PCSK2: variants seen among roughly 807,000 people sequenced by gnomAD.
The protein encoded by PCSK2 is proprotein convertase subtilisin/kexin type 2, also known as neuroendocrine convertase 2.
A neutral mutation model predicts 69.7 loss-of-function variants in PCSK2; 14 were observed. The ratio of observed to expected loss-of-function variants is 0.20; its 90% CI spans 0.13 to 0.31. The LOEUF (loss-of-function observed/expected upper bound fraction) is 0.31, where lower values mean the gene tolerates loss of function less well. Among genes scored for constraint, PCSK2 ranks in the 10% least tolerant of loss-of-function variants. The pLI is 1.00. For synonymous variants in PCSK2, 307 were observed against 320.7 expected, an observed-to-expected ratio of 0.96 and a Z score of 0.46; for missense variants, 544 against 842.5, an observed-to-expected ratio of 0.65 and a Z score of 4.39.
chr20:17,463,681 CAT>C (rs373573833), intron 10 of PCSK2: 154 of 137,880 alleles, frequency 1.1e-3, no homozygotes, highest in African/African-American at 3.9e-3. Context: ...CACACACACA[CAT>C]GACAGGCCCC....
chr20:17,394,485 G>C (rs890020563), intron 5 of PCSK2, among the ~76,000 whole-genome samples: 1 of 152,132 alleles, frequency 6.6e-6, no homozygotes, highest in Non-Finnish European at 1.5e-5. Flanking sequence ...GGAAAAGTGA[G>C]GGACATCTAT....
In PCSK2 at chr20:17,288,067, C is replaced by T. The variant is rs1308863296; in HGVS notation, c.282+27723C>T. 2.0e-5 allele frequency among the ~76,000 whole-genome samples: 3 copies of T among 152,328 alleles called. No individual in the cohort carries two copies. The East Asian group carries it at 5.8e-4, about 29-fold the overall frequency. On this transcript the variant is annotated intron_variant, in intron 2 of 11. Transcript: ENST00000262545. ...GGCTGGCTCTGCAGGCTGGATCACA[C>T]AGCTGTACATGCCCTTCCCCACTTC...
chr20:17,333,997 GC>G (rs1347056692), intron 2 of PCSK2, among the ~76,000 whole-genome samples: 4 of 141,832 alleles, frequency 2.8e-5, no homozygotes, highest in African/African-American at 1.0e-4. Context: ...AATTCATCTG[GC>G]CCATTCTCTC....
chr20:17,260,748 C>T (rs1382371314), intron 2 of PCSK2, among the ~76,000 whole-genome samples: 2 of 152,120 alleles, frequency 1.3e-5, no homozygotes, highest in African/African-American at 4.8e-5. Flanking sequence ...CCATGCCCCA[C>T]GTTGTGAACG....
In PCSK2 at chr20:17,348,031, G is replaced by GAAGA. The variant is rs377281753; in HGVS notation, c.283-10280_283-10277dup. ...AAGAAAGAGAGAAAAGAGAAAGAAA[G>GAAGA]AAGAAAGAAAGAAAGAAAGGAAAGA... On this transcript the variant is annotated intron_variant, in intron 2 of 11. Transcript: ENST00000262545. Among the ~76,000 whole-genome samples the GAAGA allele has an allele frequency of 6.5e-3, 464 of 71,906 alleles. 16 individuals carry two copies. The highest frequency in any genetic ancestry group is 0.045 in the Middle Eastern group (6 of 132). 47.2% of individuals were successfully genotyped at this position (71,906 alleles called of 152,430 possible).
intron 7 of PCSK2, among the ~76,000 whole-genome samples, chr20:17,434,345 C>A (rs1189593755): frequency 2.7e-5 from 4 of 146,766 alleles, no homozygotes. Context: ...CCCTAAAAAC[C>A]CTTGGGTCAC....
chr20:17,250,469 TAA>T (rs1986932739), intron 1 of PCSK2, among the ~76,000 whole-genome samples: 2 of 152,310 alleles, frequency 1.3e-5, no homozygotes, highest in African/African-American at 4.8e-5. Flanking sequence ...ATCGCTTGGG[TAA>T]AGTGGTCTCT....
At position 17,409,343 on chromosome 20, in the gene PCSK2, A is replaced by G; in HGVS notation, c.620+4A>G. 1 of 1,607,046 alleles carries G rather than the reference A, an allele frequency of 6.2e-7. No homozygotes were observed. The highest frequency in any genetic ancestry group is 8.5e-7 in the Non-Finnish European group (1 of 1,173,626). On this transcript the variant is annotated splice_donor_region_variant and intron_variant, in intron 6 of 11. Transcript: ENST00000262545. ...ACACAGATGACTGGTTTAACAGGTA[A>G]ACTGGGCCTTGGGAGGTCTCTTTGA... is the stretch of plus-strand genomic sequence containing the variant.
intron 2 of PCSK2, among the ~76,000 whole-genome samples, chr20:17,313,699 C>T (rs75996930): frequency 0.078 from 11,849 of 152,134 alleles, 648 homozygotes; most frequent in South Asian, 0.28. Context: ...GGGTGATTCA[C>T]CCAACAATAG....
At chr20:17,329,840 C>G (rs1198158655) in intron 2 of PCSK2, among the ~76,000 whole-genome samples, 1 of 152,124 alleles carries the variant, frequency 6.6e-6, no homozygotes, top group Non-Finnish European at 1.5e-5. Flanking sequence ...GAAGGAAAAA[C>G]AGAAATCTCC....
chr20:17,260,256 G>A lies in PCSK2; in HGVS notation c.194G>A (p.Gly65Asp), dbSNP rs774308106. The A allele has an allele frequency of 6.2e-7, 1 of 1,612,044 alleles. No homozygotes were observed. The highest frequency in any genetic ancestry group is 8.5e-7 in the Non-Finnish European group (1 of 1,178,200). Residue 65 changes from glycine (G) to aspartate (D), a missense_variant, in exon 2 of 12, where the codon GGT becomes GAT. Coordinates refer to ENST00000262545, the MANE Select transcript of PCSK2 (RefSeq NM_002594.5). ...FGVRKLPFAE[G>D]LYHFYHNGLA... ...TCTCCACAGCTTCCCTTTGCTGAAG[G>A]TCTGTACCACTTTTATCACAATGGC...
At chr20:17,339,391 A>T (rs1480339594) in intron 2 of PCSK2, among the ~76,000 whole-genome samples, 5 of 152,206 alleles carry the variant, frequency 3.3e-5, no homozygotes, top group Admixed American at 2.0e-4. Flanking sequence ...GCTGGAACAC[A>T]AACATTGAGC....
chr20:17,303,511 T>A (rs1989206254), intron 2 of PCSK2, among the ~76,000 whole-genome samples: 2 of 49,730 alleles, frequency 4.0e-5, no homozygotes, highest in African/African-American at 1.3e-4. Flanking sequence ...ATATATATTA[T>A]ATATAATATA....
intron 6 of PCSK2, among the ~76,000 whole-genome samples, chr20:17,422,035 T>C (rs2328144): frequency 0.59 from 90,343 of 151,916 alleles, 27,429 homozygotes; most frequent in Middle Eastern, 0.74. Flanking sequence ...ATGGGTGACA[T>C]ACATTTTAAA....
Position 17,429,472 on chromosome 20 carries a change from G to A in PCSK2, c.658G>A (p.Ala220Thr), listed in dbSNP as rs748165327. The change falls in exon 7 of 12, where the codon GCC becomes ACC. Residue 220 changes from alanine to threonine, a missense_variant. Coordinates refer to ENST00000262545, the MANE Select transcript of PCSK2 (RefSeq NM_002594.5). ...TRCAGEVSAAANNNICGVGVA... is the reference protein window; with the variant it reads ...TRCAGEVSAATNNNICGVGVA... ...ATGTGCAGGAGAAGTTTCTGCTGCC[G>A]CCAACAACAATATCTGTGGAGTTGG... 5.6e-6 allele frequency: 9 copies of A among 1,613,688 alleles called. No homozygotes were observed. Among genetic ancestry groups the A allele is most frequent in the East Asian group, 4.5e-5 (2 of 44,880 alleles).
chr20:17,383,474 CAG>C, intron 5 of PCSK2, among the ~76,000 whole-genome samples: 1 of 152,268 alleles, frequency 6.6e-6, no homozygotes, highest in South Asian at 2.1e-4. Flanking sequence ...CCCAAGAAAA[CAG>C]AGAACTACAG....
At chr20:17,399,848 A>C (rs1297152023) in intron 5 of PCSK2, among the ~76,000 whole-genome samples, 1 of 152,218 alleles carries the variant, frequency 6.6e-6, no homozygotes, top group African/African-American at 2.4e-5. Flanking sequence ...TTCAGTCGTC[A>C]GTGTTATTTG....
chr20:17,239,011 G>A (rs1986449614), intron 1 of PCSK2, among the ~76,000 whole-genome samples: 1 of 152,084 alleles, frequency 6.6e-6, no homozygotes, highest in South Asian at 2.1e-4. Flanking sequence ...TCATGAGATG[G>A]TGCAATCAGG....
intron 2 of PCSK2, among the ~76,000 whole-genome samples, chr20:17,277,265 A>G (rs1242607262): frequency 6.6e-6 from 1 of 152,222 alleles, no homozygotes; most frequent in African/African-American, 2.4e-5. Context: ...TGCCAAGTCA[A>G]TCCTAAGCCA....
Sources: allele counts gnomAD v4.1 joint callset (sites outside exome capture counted in the v4.1 genomes callset), GRCh38; gene constraint gnomAD v4.1.1; transcripts MANE v1.5; gene names NCBI Gene and HGNC (gene_info 2026-07-23, HGNC 2026-07-21).